The following GTF2I variants were observed in gnomAD, a reference collection of about 807,000 sequenced individuals.
GTF2I encodes general transcription factor IIi, also known as general transcription factor II-I.
A neutral mutation model predicts 67.6 loss-of-function variants in GTF2I; 12 were observed. The ratio of observed to expected loss-of-function variants is 0.18; its 90% CI spans 0.11 to 0.29. GTF2I has a LOEUF of 0.29. Among genes scored for constraint, GTF2I ranks in the 10% least tolerant of loss-of-function variants. The pLI, the probability that GTF2I is intolerant of heterozygous loss-of-function variation, is 1.00. For missense variants in GTF2I, 271 were observed against 580.1 expected (o/e 0.47, Z 5.47); for synonymous variants, 149 against 197.0 (o/e 0.76, Z 2.04).
chr7:74,680,114 A>ATATATATATATG (rs1339021361), intron 1 of GTF2I, among the ~76,000 whole-genome samples: 6 of 121,498 alleles, frequency 4.9e-5, no homozygotes, highest in African/African-American at 2.0e-4. Context: ...ATATATATAT[A>ATATATATATATG]TATGTATGTA....
intron 1 of GTF2I, among the ~76,000 whole-genome samples, chr7:74,664,261 G>A (rs1021422431): frequency 2.0e-5 from 3 of 150,772 alleles, no homozygotes; most frequent in African/African-American, 7.3e-5. Flanking sequence ...CTGTCTTCCT[G>A]TTTGTTTTCT....
intron 9 of GTF2I, among the ~76,000 whole-genome samples, 191 bp downstream of exon 9, chr7:74,711,300 A>G (rs1249787220): frequency 6.6e-6 from 1 of 152,174 alleles, no homozygotes; most frequent in Admixed American, 6.6e-5. Context: ...GACAATCCAG[A>G]GGGGATATGT....
intron 1 of GTF2I, among the ~76,000 whole-genome samples, chr7:74,683,278 C>T (rs1334787855): frequency 6.6e-6 from 1 of 152,060 alleles, no homozygotes; most frequent in Non-Finnish European, 1.5e-5. Flanking sequence ...TGGGAATCAC[C>T]TAAAAAGAGA....
chr7:74,705,187 G>T lies in GTF2I; in HGVS notation c.610G>T (p.Ala204Ser), dbSNP rs781911148. 5.0e-6 allele frequency: 8 copies of T among 1,605,322 alleles called. No homozygotes were observed. The Admixed American group carries it at 1.0e-4, about 20-fold the overall frequency. The change falls in exon 7 of 35, where the codon GCT (alanine) becomes TCT (serine). Residue 204 changes from alanine (A) to serine (S), a missense_variant. Transcript: ENST00000573035. ...AGGTGGTCGTGTGATGGTAACAGATGCTGACAGGTCAATACTATCTCCAGG... is the reference window on the plus strand; with the variant it reads ...AGGTGGTCGTGTGATGGTAACAGATTCTGACAGGTCAATACTATCTCCAGG... ...HVGGRVMVTDADRSILSPGGS... is the reference protein window; with the variant it reads ...HVGGRVMVTDSDRSILSPGGS...
At chr7:74,681,389 C>T (rs1787254415) in intron 1 of GTF2I, among the ~76,000 whole-genome samples, 2 of 151,016 alleles carry the variant, frequency 1.3e-5, no homozygotes, top group Middle Eastern at 3.4e-3. Context: ...GAGCCGAGAT[C>T]GTGCCATTGC....
intron 18 of GTF2I, among the ~76,000 whole-genome samples, chr7:74,737,414 TG>T (rs1360331404): frequency 7.4e-6 from 1 of 135,288 alleles, no homozygotes; most frequent in African/African-American, 2.7e-5. Context: ...GACTGCCACG[TG>T]GGCGTGGTGG....
chr7:74,668,559 A>C (rs1584076732), intron 1 of GTF2I, among the ~76,000 whole-genome samples: 1 of 151,018 alleles, frequency 6.6e-6, no homozygotes, highest in South Asian at 2.1e-4. Context: ...CTTAAAGATC[A>C]TATTTATTTA....
chr7:74,719,899 G>A (rs1554404249), intron 12 of GTF2I, among the ~76,000 whole-genome samples: 3 of 151,924 alleles, frequency 2.0e-5, no homozygotes, highest in East Asian at 1.9e-4. Context: ...CAGCCTGGGC[G>A]ACAGAGTGAA....
intron 3 of GTF2I, among the ~76,000 whole-genome samples, chr7:74,695,429 T>G (rs1788790557): frequency 6.6e-6 from 1 of 152,190 alleles, no homozygotes; most frequent in Admixed American, 6.5e-5. Context: ...AAAACATCTG[T>G]GTGACTTTAC....
chr7:74,728,301 C>A (rs1186721392), intron 12 of GTF2I, among the ~76,000 whole-genome samples: 5 of 148,792 alleles, frequency 3.4e-5, no homozygotes, highest in African/African-American at 1.3e-4. Context: ...TTCTCTGTCT[C>A]AAAAACAAAA....
chr7:74,697,714 A>G (rs1789080561), intron 3 of GTF2I, among the ~76,000 whole-genome samples: 1 of 152,118 alleles, frequency 6.6e-6, no homozygotes, highest in Admixed American at 6.6e-5. Context: ...TCATTCATCT[A>G]AGTATTTTAG....
At chr7:74,691,488 G>A (rs587707144) in intron 3 of GTF2I, among the ~76,000 whole-genome samples, 38 of 152,312 alleles carry the variant, frequency 2.5e-4, no homozygotes, top group Admixed American at 1.9e-3. Context: ...GATTATAGGC[G>A]TGGGCCACTG....
chr7:74,665,420 T>C (rs1160638783), intron 1 of GTF2I, among the ~76,000 whole-genome samples: 1 of 151,630 alleles, frequency 6.6e-6, no homozygotes, highest in African/African-American at 2.4e-5. Flanking sequence ...CCTGGCTAAT[T>C]TTTGTATTTT....
At chr7:74,688,558 G>T (rs1376284962) in intron 1 of GTF2I, among the ~76,000 whole-genome samples, 2 of 152,172 alleles carry the variant, frequency 1.3e-5, no homozygotes, top group Non-Finnish European at 2.9e-5. Context: ...CTGGGTTCAA[G>T]CAATTCTCCT....
chr7:74,727,340 T>C (rs1554405924), intron 12 of GTF2I: 1 of 152,216 alleles, frequency 6.6e-6, no homozygotes, highest in Non-Finnish European at 1.5e-5. Context: ...GAAGTGTCTA[T>C]AGAAGTGACC....
At chr7:74,662,046 T>C (rs587733309) in intron 1 of GTF2I, among the ~76,000 whole-genome samples, 1 of 152,116 alleles carries the variant, frequency 6.6e-6, no homozygotes. Context: ...TGGGGAGCAT[T>C]GTGTGCTGAG....
intron 1 of GTF2I, among the ~76,000 whole-genome samples, chr7:74,683,590 C>T (rs1787439608): frequency 6.6e-6 from 1 of 152,148 alleles, no homozygotes; most frequent in Non-Finnish European, 1.5e-5. Context: ...CGGTGGCTCA[C>T]GCCTGTAATC....
At chr7:74,693,475 G>T (rs1261129389) in intron 3 of GTF2I, among the ~76,000 whole-genome samples, 1 of 151,918 alleles carries the variant, frequency 6.6e-6, no homozygotes, top group East Asian at 1.9e-4. Context: ...GTAAATATGT[G>T]TTCTGACTGC....
At chr7:74,694,078 A>C (rs967397106) in intron 3 of GTF2I, among the ~76,000 whole-genome samples, 2 of 152,238 alleles carry the variant, frequency 1.3e-5, no homozygotes, top group Admixed American at 1.3e-4. Flanking sequence ...GCTCCAGTGA[A>C]CACGCAAATG....
Sources: gnomAD v4.1 joint callset for allele counts (sites outside exome capture counted in the v4.1 genomes callset) on GRCh38, gnomAD v4.1.1 for gene constraint, MANE v1.5 for transcripts, NCBI Gene and HGNC (gene_info 2026-07-23, HGNC 2026-07-21) for gene names.